The following CDYL2 variants were observed in gnomAD, a reference collection of about 807,000 sequenced individuals.
CDYL2 encodes the protein chromodomain Y-like protein 2.
CDYL2 carries 23 observed loss-of-function variants against 49.4 expected under a neutral mutation model. The ratio of observed to expected loss-of-function variants is 0.47; its 90% CI spans 0.34 to 0.66. The LOEUF (loss-of-function observed/expected upper bound fraction) is 0.66, where lower values mean the gene tolerates loss of function less well. CDYL2 is among the 30% of genes least tolerant of loss of function. CDYL2 has a pLI of 0.01. For synonymous variants in CDYL2, 360 were observed against 268.8 expected (o/e 1.34, Z -3.32); for missense variants, 678 against 656.4 (o/e 1.03, Z -0.36).
At chr16:80,750,064 A>G (rs936197708) in intron 1 of CDYL2, among the ~76,000 whole-genome samples, 3 of 151,302 alleles carry the variant, frequency 2.0e-5, no homozygotes, top group Non-Finnish European at 4.4e-5. Context: ...GAAGGGGAAC[A>G]TCACACACCG....
At chr16:80,755,807 G>A (rs369750103) in intron 1 of CDYL2, among the ~76,000 whole-genome samples, 134 of 152,220 alleles carry the variant, frequency 8.8e-4, no homozygotes, top group Middle Eastern at 3.4e-3. Context: ...TTTATCAAAC[G>A]TACAACACCC....
chr16:80,687,976 C>T (rs192298834), intron 1 of CDYL2, among the ~76,000 whole-genome samples: 140 of 152,292 alleles, frequency 9.2e-4, no homozygotes, highest in African/African-American at 3.2e-3. Context: ...GTCAACTCCT[C>T]CATGGGAAGA....
chr16:80,771,478 C>A (rs1345683136), intron 1 of CDYL2, among the ~76,000 whole-genome samples: 1 of 152,182 alleles, frequency 6.6e-6, no homozygotes, highest in Admixed American at 6.5e-5. Flanking sequence ...CCGAGGTAGG[C>A]GGATCACTTG....
chr16:80,747,173 C>T (rs991202869), intron 1 of CDYL2, among the ~76,000 whole-genome samples: 1 of 152,108 alleles, frequency 6.6e-6, no homozygotes, highest in African/African-American at 2.4e-5. Flanking sequence ...CAAAATAAAA[C>T]AAAACAAAAT....
At chr16:80,619,994 A>G (rs1206691113) in intron 4 of CDYL2, among the ~76,000 whole-genome samples, 1 of 152,102 alleles carries the variant, frequency 6.6e-6, no homozygotes, top group African/African-American at 2.4e-5. Context: ...TGTGGAGTAA[A>G]TGTTCCTTCT....
At chr16:80,712,578 G>A (rs1904656685) in intron 1 of CDYL2, among the ~76,000 whole-genome samples, 1 of 152,090 alleles carries the variant, frequency 6.6e-6, no homozygotes, top group Non-Finnish European at 1.5e-5. Flanking sequence ...CCACCGTGTG[G>A]GAGAAGTGGG....
chr16:80,707,609 T>C (rs1904451061), intron 1 of CDYL2, among the ~76,000 whole-genome samples: 1 of 152,292 alleles, frequency 6.6e-6, no homozygotes, highest in South Asian at 2.1e-4. Flanking sequence ...ACATGCAGCT[T>C]CTTTGGGTTG....
At chr16:80,642,586 G>T (rs182476922) in intron 2 of CDYL2, among the ~76,000 whole-genome samples, 9 of 152,234 alleles carry the variant, frequency 5.9e-5, no homozygotes, top group Admixed American at 4.6e-4. Context: ...CAAAGACATC[G>T]GGTAGACTGG....
Position 80,685,163 on chromosome 16 carries a change from G to A in CDYL2, c.25-34C>T, listed in dbSNP as rs573165719. On this transcript the variant is annotated intron_variant, in intron 1 of 6. Coordinates refer to ENST00000570137, the MANE Select transcript of CDYL2 (RefSeq NM_152342.4). ...CAAGATGAGAGGGTCAGAAAACAGAGAGAGAGGGAGGAAAAAACTCAGTTC... is the reference window on the plus strand; with the variant it reads ...CAAGATGAGAGGGTCAGAAAACAGAAAGAGAGGGAGGAAAAAACTCAGTTC... 3.9e-6 allele frequency: 6 copies of A among 1,540,896 alleles called. No homozygotes were observed. The South Asian group carries it at 7.3e-5, about 19-fold the overall frequency.
intron 1 of CDYL2, among the ~76,000 whole-genome samples, chr16:80,759,243 A>G (rs1340525681): frequency 6.7e-6 from 1 of 150,264 alleles, no homozygotes. Flanking sequence ...TCTCTGAGTG[A>G]TGGATGTATG....
intron 1 of CDYL2, among the ~76,000 whole-genome samples, chr16:80,708,938 T>C (rs762235148): frequency 4.6e-5 from 7 of 152,208 alleles, no homozygotes; most frequent in Non-Finnish European, 8.8e-5. Context: ...TAAAGCAACA[T>C]GAGGCAATTA....
intron 1 of CDYL2, among the ~76,000 whole-genome samples, chr16:80,702,119 G>A (rs1188320971): frequency 6.6e-6 from 1 of 151,572 alleles, no homozygotes; most frequent in East Asian, 1.9e-4. Flanking sequence ...CACAGTAGAG[G>A]AATCAGAGTT....
At chr16:80,697,823 T>A (rs367988549) in intron 1 of CDYL2, among the ~76,000 whole-genome samples, 86 of 151,726 alleles carry the variant, frequency 5.7e-4, no homozygotes, top group African/African-American at 1.9e-3. Flanking sequence ...ATAAAATACC[T>A]AGGAATAAAT....
At chr16:80,690,496 T>A (rs929638331) in intron 1 of CDYL2, among the ~76,000 whole-genome samples, 19 of 152,166 alleles carry the variant, frequency 1.2e-4, no homozygotes, top group African/African-American at 4.3e-4. Context: ...GTAAGTAATT[T>A]TATTTTCTTA....
rs147960824 is a variant in CDYL2 at position 80,778,630 on chromosome 16, C to G, written c.24+25520G>C. Among the ~76,000 whole-genome samples, 5 of 152,124 alleles carry G rather than the reference C, an allele frequency of 3.3e-5. No individual in the cohort carries two copies. In the East Asian group the frequency reaches 9.6e-4, roughly 29 times the overall value. On this transcript the variant is annotated intron_variant, in intron 1 of 6. Transcript: ENST00000570137. ...TCTTTAATCATAAGACTCAGTATCA[C>G]AGAGGTATCAACTTTATCCAAAGTT...
chr16:80,673,095 A>C (rs1011799352), intron 2 of CDYL2, among the ~76,000 whole-genome samples: 1 of 152,134 alleles, frequency 6.6e-6, no homozygotes, highest in Non-Finnish European at 1.5e-5. Context: ...AGGTGGGTGG[A>C]TCACTTGAGG....
chr16:80,774,752 C>CT (rs1907025501), intron 1 of CDYL2, among the ~76,000 whole-genome samples: 1 of 151,890 alleles, frequency 6.6e-6, no homozygotes, highest in African/African-American at 2.4e-5. Flanking sequence ...ATTTTCAACA[C>CT]TTCATAAGAT....
At chr16:80,648,940 C>T (rs1281161543) in intron 2 of CDYL2, among the ~76,000 whole-genome samples, 1 of 152,110 alleles carries the variant, frequency 6.6e-6, no homozygotes, top group African/African-American at 2.4e-5. Flanking sequence ...TGATATAATT[C>T]AACATCCCTT....
At chr16:80,678,646 A>G (rs1338252201) in intron 2 of CDYL2, among the ~76,000 whole-genome samples, 2 of 148,920 alleles carry the variant, frequency 1.3e-5, no homozygotes, top group Non-Finnish European at 3.0e-5. Flanking sequence ...AAATAGGAAC[A>G]CTTTTACACT....
Sources: allele counts gnomAD v4.1 joint callset (sites outside exome capture counted in the v4.1 genomes callset), GRCh38; gene constraint gnomAD v4.1.1; transcripts MANE v1.5; gene names NCBI Gene and HGNC (gene_info 2026-07-23, HGNC 2026-07-21).